Variants in FRMD4B observed in about 807,000 individuals in gnomAD.
FRMD4B encodes FERM domain-containing protein 4B.
FRMD4B carries 74 observed loss-of-function variants against 141.5 expected under a neutral mutation model. The observed-to-expected ratio is 0.52, with a 90% CI of 0.43 to 0.63. The LOEUF (loss-of-function observed/expected upper bound fraction) is 0.63. FRMD4B is among the 30% of genes least tolerant of loss of function. The pLI is 0.00. For synonymous variants in FRMD4B, 506 were observed against 467.9 expected (o/e 1.08, Z -1.05); for missense variants, 1,366 against 1,253.4 (o/e 1.09, Z -1.36).
intron 1 of FRMD4B, chr3:69,536,831 C>T (rs2107171246): frequency 2.7e-6 from 1 of 369,552 alleles, no homozygotes; most frequent in East Asian, 7.1e-5. Context: ...ACTGCAGCCT[C>T]AACCTCCTGG....
chr3:69,370,082 G>A (rs56411124), intron 1 of FRMD4B, among the ~76,000 whole-genome samples: 35,721 of 150,964 alleles, frequency 0.24, 4,813 homozygotes, highest in Middle Eastern at 0.32. Flanking sequence ...ATAAAGGCCA[G>A]AAATAAATTT....
At chr3:69,514,988 G>A (rs1700728435) in intron 1 of FRMD4B, among the ~76,000 whole-genome samples, 1 of 152,128 alleles carries the variant, frequency 6.6e-6, no homozygotes. Context: ...AAGAATCAAA[G>A]CTATGTGGTA....
intron 1 of FRMD4B, among the ~76,000 whole-genome samples, chr3:69,315,208 T>C (rs78241721): frequency 0.01 from 1,585 of 152,302 alleles, 19 homozygotes; most frequent in African/African-American, 0.035. Context: ...AGAATTGCAA[T>C]ACTAAAAAAA....
intron 1 of FRMD4B, among the ~76,000 whole-genome samples, chr3:69,461,435 G>T (rs1316286171): frequency 6.6e-6 from 1 of 151,196 alleles, no homozygotes; most frequent in African/African-American, 2.4e-5. Context: ...AACCAGGCTG[G>T]GCAACATAGT....
intron 3 of FRMD4B, among the ~76,000 whole-genome samples, chr3:69,307,306 A>G (rs1701429283): frequency 6.6e-6 from 1 of 152,132 alleles, no homozygotes; most frequent in Non-Finnish European, 1.5e-5. Context: ...AGACAACAAG[A>G]AGGGTGGCCC....
intron 1 of FRMD4B, among the ~76,000 whole-genome samples, chr3:69,349,933 A>T (rs1703079557): frequency 1.3e-5 from 2 of 152,168 alleles, no homozygotes; most frequent in South Asian, 4.1e-4. Context: ...TCATGTCTAA[A>T]ACACCAAAAG....
intron 9 of FRMD4B, among the ~76,000 whole-genome samples, chr3:69,221,509 T>C (rs910572981): frequency 6.6e-6 from 1 of 152,210 alleles, no homozygotes; most frequent in Non-Finnish European, 1.5e-5. Context: ...AATTTCCAGC[T>C]TCTCCTGGAA....
intron 2 of FRMD4B, among the ~76,000 whole-genome samples, chr3:69,391,878 G>A (rs753302445): frequency 6.6e-6 from 1 of 152,160 alleles, no homozygotes; most frequent in African/African-American, 2.4e-5. Flanking sequence ...CCAGTCATTA[G>A]GACAACCACA....
At chr3:69,187,956 C>A (rs779704226) in intron 18 of FRMD4B, 39 bp from the exon 19 acceptor site, 6 of 1,107,938 alleles carry the variant, frequency 5.4e-6, no homozygotes, top group Non-Finnish European at 6.6e-6. Context: ...AATAAGTAGG[C>A]AAATTAATAG....
chr3:69,250,279 C>T, intron 5 of FRMD4B, 180 bp from the exon 6 acceptor site: 1 of 570,728 alleles, frequency 1.8e-6, no homozygotes, highest in Non-Finnish European at 3.1e-6. Context: ...AAGGCGAAAC[C>T]ACTGTGTGTG....
chr3:69,216,164 A>AAAAAAAAACC, intron 11 of FRMD4B, 99 bp downstream of exon 11: 1 of 682,628 alleles, frequency 1.5e-6, no homozygotes, highest in Non-Finnish European at 2.5e-6. Flanking sequence ...AAAAAAAACC[A>AAAAAAAAACC]AAAAAACCCC....
In FRMD4B at chr3:69,192,912, G is replaced by A. The variant is rs908418111; in HGVS notation, c.1714+736C>T. 5.9e-4 allele frequency among the ~76,000 whole-genome samples: 89 copies of A among 151,652 alleles called. 1 individual carries two copies. Among genetic ancestry groups the A allele is most frequent in the African/African-American group, 2.1e-3 (87 of 41,282 alleles). On this transcript the variant is annotated intron_variant, in intron 17 of 22. Transcript: ENST00000398540. Reference sequence around the variant, plus strand: ...AGTTCACTGCAGCCTCGATTACCTGGGCTCAAATGATCCTCCCATTTCAGC... The same window carrying A: ...AGTTCACTGCAGCCTCGATTACCTGAGCTCAAATGATCCTCCCATTTCAGC...
chr3:69,379,383 T>C (rs1002930976), intron 1 of FRMD4B, among the ~76,000 whole-genome samples: 20 of 152,248 alleles, frequency 1.3e-4, no homozygotes, highest in Admixed American at 1.2e-3. Context: ...GGTTCAAGCG[T>C]TCCTCCTGCC....
intron 1 of FRMD4B, among the ~76,000 whole-genome samples, chr3:69,503,062 T>C (rs140245377): frequency 0.02 from 2,976 of 152,202 alleles, 47 homozygotes; most frequent in Middle Eastern, 0.034. Flanking sequence ...TATGGAGAAA[T>C]AGGAACACTT....
chr3:69,340,691 G>A (rs10865649), intron 1 of FRMD4B, among the ~76,000 whole-genome samples: 99,559 of 152,068 alleles, frequency 0.65, 33,125 homozygotes, highest in African/African-American at 0.75. Context: ...ATGAGGTTTA[G>A]ATGAGCTGAT....
intron 7 of FRMD4B, 90 bp downstream of exon 7, chr3:69,249,136 G>T: frequency 1.2e-6 from 1 of 808,028 alleles, no homozygotes; most frequent in East Asian, 2.8e-5. Flanking sequence ...ACTTTCCTTT[G>T]ATTTTGTATC....
At chr3:69,257,451 T>G (rs2093499737) in intron 5 of FRMD4B, among the ~76,000 whole-genome samples, 1 of 152,170 alleles carries the variant, frequency 6.6e-6, no homozygotes, top group South Asian at 2.1e-4. Flanking sequence ...TAATGACCAC[T>G]CTGAGTTATG....
At chr3:69,387,064 G>A (rs891778066), upstream of FRMD4B, among the ~76,000 whole-genome samples, 1 of 152,040 alleles carries the variant, frequency 6.6e-6, no homozygotes, top group Admixed American at 6.6e-5. Flanking sequence ...GTTTTCCCTC[G>A]GGAATTGATG....
intron 2 of FRMD4B, among the ~76,000 whole-genome samples, chr3:69,421,277 C>T (rs1282912513): frequency 6.6e-6 from 1 of 152,238 alleles, no homozygotes; most frequent in Non-Finnish European, 1.5e-5. Context: ...TACCGGATGA[C>T]TTTGCATAAG....
Sources: gnomAD v4.1 joint callset for allele counts (sites outside exome capture counted in the v4.1 genomes callset) on GRCh38, gnomAD v4.1.1 for gene constraint, MANE v1.5 for transcripts, NCBI Gene and HGNC (gene_info 2026-07-23, HGNC 2026-07-21) for gene names.